The following LINGO2 variants were observed in gnomAD, a reference collection of about 807,000 sequenced individuals.
The protein encoded by LINGO2 is leucine rich repeat and Ig domain containing 2, also known as leucine-rich repeat and immunoglobulin-like domain-containing nogo receptor-interacting protein 2.
Under a neutral mutation model 30.6 loss-of-function variants are expected in LINGO2, and 14 were observed. That is an observed-to-expected ratio of 0.46 (90% CI 0.30 to 0.72). LINGO2 has a LOEUF of 0.72. LINGO2 is among the 30% of genes least tolerant of loss of function. The pLI, the probability that LINGO2 is intolerant of heterozygous loss-of-function variation, is 0.07. For missense variants in LINGO2, 729 were observed against 751.7 expected, an observed-to-expected ratio of 0.97 and a Z score of 0.35; for synonymous variants, 317 against 288.5, an observed-to-expected ratio of 1.10 and a Z score of -1.00.
intron 4 of LINGO2, among the ~76,000 whole-genome samples, chr9:28,019,345 T>C (rs1183006617): frequency 2.0e-5 from 3 of 148,652 alleles, no homozygotes; most frequent in Non-Finnish European, 4.4e-5. Context: ...TCCTTAGTAA[T>C]GGATTAGCAA....
chr9:28,025,522 T>G (rs182243793), intron 4 of LINGO2, among the ~76,000 whole-genome samples: 1 of 152,316 alleles, frequency 6.6e-6, no homozygotes, highest in East Asian at 1.9e-4. Flanking sequence ...TGAATTCAGC[T>G]GAGCATTTTT....
intron 5 of LINGO2, among the ~76,000 whole-genome samples, chr9:27,992,089 CA>C (rs1455478430): frequency 6.6e-6 from 1 of 151,990 alleles, no homozygotes; most frequent in African/African-American, 2.4e-5. Flanking sequence ...GTGTTAATGA[CA>C]AAGGTGTTAA....
chr9:28,563,139 C>A (rs1823192077), intron 1 of LINGO2, among the ~76,000 whole-genome samples: 1 of 152,068 alleles, frequency 6.6e-6, no homozygotes, highest in South Asian at 2.1e-4. Flanking sequence ...GAACCACATG[C>A]CTGGCCTGAA....
chr9:29,066,982 T>C, the LINGO2 span, among the ~76,000 whole-genome samples: 1 of 151,820 alleles, frequency 6.6e-6, no homozygotes, highest in Non-Finnish European at 1.5e-5. Context: ...CAACTTATTG[T>C]CTAACAGTGT....
intron 4 of LINGO2, among the ~76,000 whole-genome samples, chr9:28,040,243 G>A (rs993771422): frequency 3.3e-5 from 5 of 152,070 alleles, no homozygotes; most frequent in African/African-American, 1.2e-4. Flanking sequence ...GAATGCAGTT[G>A]CAGCAAAGGC....
At chr9:28,562,916 G>A (rs1215971906) in intron 1 of LINGO2, among the ~76,000 whole-genome samples, 3 of 151,868 alleles carry the variant, frequency 2.0e-5, no homozygotes, top group Non-Finnish European at 2.9e-5. Context: ...GCACAATCTC[G>A]GCTCACTGCA....
intron 1 of LINGO2, among the ~76,000 whole-genome samples, chr9:28,622,673 T>C (rs187063783): frequency 6.6e-6 from 1 of 152,122 alleles, no homozygotes. Context: ...TGCAGACATC[T>C]CTTAGATATA....
chr9:27,971,561 G>T (rs555900234), intron 5 of LINGO2, among the ~76,000 whole-genome samples: 9 of 151,918 alleles, frequency 5.9e-5, no homozygotes, highest in African/African-American at 1.9e-4. Flanking sequence ...TTTTTTTCTT[G>T]TATGTTTAGT....
intron 1 of LINGO2, among the ~76,000 whole-genome samples, chr9:28,556,412 T>A (rs1448555568): frequency 6.6e-6 from 1 of 151,878 alleles, no homozygotes; most frequent in Non-Finnish European, 1.5e-5. Context: ...TCAAAGAGAA[T>A]AAAATACCTA....
chr9:29,095,010 T>A, the LINGO2 span, among the ~76,000 whole-genome samples: 3 of 138,482 alleles, frequency 2.2e-5, no homozygotes, highest in Non-Finnish European at 4.7e-5. Context: ...CAAGAGTCTA[T>A]GCTTACAAAA....
At chr9:28,300,955 C>G (rs898700554) in intron 3 of LINGO2, among the ~76,000 whole-genome samples, 1 of 151,616 alleles carries the variant, frequency 6.6e-6, no homozygotes, top group African/African-American at 2.4e-5. Context: ...GCCTGGTCAA[C>G]TTAGAACTCA....
At chr9:28,272,705 G>A (rs749080425) in intron 4 of LINGO2, among the ~76,000 whole-genome samples, 1 of 151,620 alleles carries the variant, frequency 6.6e-6, no homozygotes, top group African/African-American at 2.4e-5. Context: ...AAACTACAAG[G>A]CTTATAAAAA....
chr9:28,318,541 G>C (rs1824925523), intron 3 of LINGO2, among the ~76,000 whole-genome samples: 1 of 152,130 alleles, frequency 6.6e-6, no homozygotes, highest in Admixed American at 6.5e-5. Flanking sequence ...GTCAGTGATA[G>C]AATGTGACAC....
At chr9:28,794,975 T>C in the LINGO2 span, among the ~76,000 whole-genome samples, 1 of 151,792 alleles carries the variant, frequency 6.6e-6, no homozygotes, top group African/African-American at 2.4e-5. Context: ...GGATTACAGG[T>C]GTGTGCCACC....
chr9:28,222,848 T>A (rs948459598), intron 4 of LINGO2, among the ~76,000 whole-genome samples: 1 of 152,164 alleles, frequency 6.6e-6, no homozygotes, highest in African/African-American at 2.4e-5. Context: ...AGGGGGCGAT[T>A]ACATACAGCT....
At chr9:28,754,542 T>C in the LINGO2 span, among the ~76,000 whole-genome samples, 1 of 152,024 alleles carries the variant, frequency 6.6e-6, no homozygotes, top group Non-Finnish European at 1.5e-5. Context: ...TACCAAGTGA[T>C]TGTCATGATT....
intron 4 of LINGO2, among the ~76,000 whole-genome samples, chr9:28,028,490 C>T (rs1017395228): frequency 8.6e-5 from 13 of 151,422 alleles, no homozygotes; most frequent in Non-Finnish European, 1.6e-4. Flanking sequence ...TGTATATACA[C>T]GTAACACCCA....
chr9:28,400,413 G>T (rs1363567235), intron 2 of LINGO2, among the ~76,000 whole-genome samples: 1 of 152,120 alleles, frequency 6.6e-6, no homozygotes, highest in Non-Finnish European at 1.5e-5. Flanking sequence ...TTAAAATTAG[G>T]CATGGTAGGT....
chr9:28,857,454 T>A, the LINGO2 span, among the ~76,000 whole-genome samples: 2 of 152,054 alleles, frequency 1.3e-5, no homozygotes, highest in Non-Finnish European at 2.9e-5. Context: ...GTAGGGAGGA[T>A]AAGTGACCAG....
Sources: allele counts gnomAD v4.1 joint callset (sites outside exome capture counted in the v4.1 genomes callset), GRCh38; gene constraint gnomAD v4.1.1; transcripts MANE v1.5; gene names NCBI Gene and HGNC (gene_info 2026-07-23, HGNC 2026-07-21).